SPOCK3: variants seen among roughly 807,000 people sequenced by gnomAD.
The protein encoded by SPOCK3 is testican-3.
A neutral mutation model predicts 56.6 loss-of-function variants in SPOCK3; 30 were observed. The observed-to-expected ratio is 0.53, with a 90% CI of 0.40 to 0.72. The LOEUF (loss-of-function observed/expected upper bound fraction) is 0.72, where lower values mean the gene tolerates loss of function less well. SPOCK3 is among the 30% of genes least tolerant of loss of function. The probability of loss-of-function intolerance (pLI) is 0.00; values close to 1 mark genes in which losing one functional copy is unlikely to be tolerated. For synonymous variants in SPOCK3, 196 were observed against 183.3 expected (o/e 1.07, Z -0.56); for missense variants, 527 against 530.0 (o/e 0.99, Z 0.06).
At chr4:166,813,042 T>A (rs574874960) in intron 6 of SPOCK3, among the ~76,000 whole-genome samples, 2 of 152,114 alleles carry the variant, frequency 1.3e-5, no homozygotes, top group Non-Finnish European at 2.9e-5. Context: ...ACTATAGTTA[T>A]CATATCAGGG....
chr4:166,833,258 A>T (rs1329997973), intron 6 of SPOCK3, among the ~76,000 whole-genome samples: 5 of 152,202 alleles, frequency 3.3e-5, no homozygotes, highest in Admixed American at 2.0e-4. Flanking sequence ...TTGTTTAATG[A>T]TCCAGATATG....
At chr4:167,137,715 G>C (rs894416281) in intron 2 of SPOCK3, among the ~76,000 whole-genome samples, 1 of 151,682 alleles carries the variant, frequency 6.6e-6, no homozygotes, top group Admixed American at 6.6e-5. Flanking sequence ...TACAGAAAAA[G>C]GACAGGAGAT....
At chr4:167,115,164 G>A (rs1026733955) in intron 2 of SPOCK3, among the ~76,000 whole-genome samples, 1 of 152,170 alleles carries the variant, frequency 6.6e-6, no homozygotes, top group Non-Finnish European at 1.5e-5. Context: ...CCTATTCCTT[G>A]CTTTGAGAGA....
chr4:167,062,440 C>A, intron 3 of SPOCK3, 52 bp downstream of exon 3: 1 of 1,347,408 alleles, frequency 7.4e-7, no homozygotes, highest in Non-Finnish European at 1.1e-6. Context: ...TCTAAAAGTA[C>A]AATGATTATG....
chr4:166,984,547 C>T (rs923285454), intron 4 of SPOCK3, among the ~76,000 whole-genome samples: 14 of 151,924 alleles, frequency 9.2e-5, no homozygotes, highest in South Asian at 2.1e-4. Context: ...TTAAAAAATT[C>T]GTGGCATAAG....
At chr4:166,989,925 T>C (rs915350138) in intron 4 of SPOCK3, among the ~76,000 whole-genome samples, 1 of 152,182 alleles carries the variant, frequency 6.6e-6, no homozygotes, top group Non-Finnish European at 1.5e-5. Context: ...TACCATCCCT[T>C]AGATCTCAGA....
intron 2 of SPOCK3, among the ~76,000 whole-genome samples, chr4:167,220,839 G>T (rs555313099): frequency 6.6e-6 from 1 of 152,252 alleles, no homozygotes; most frequent in South Asian, 2.1e-4. Flanking sequence ...AACAGTATGT[G>T]ATTTGAAACT....
At chr4:166,877,127 G>T (rs1470796486) in intron 6 of SPOCK3, among the ~76,000 whole-genome samples, 1 of 152,084 alleles carries the variant, frequency 6.6e-6, no homozygotes, top group Non-Finnish European at 1.5e-5. Flanking sequence ...GATTTAAAGG[G>T]TTTGTGCAAG....
At position 166,742,153 on chromosome 4, in the gene SPOCK3, C is replaced by T. The variant is rs141718856; in HGVS notation, c.932-94G>A. 2,054 of 885,126 alleles carry T rather than the reference C, an allele frequency of 2.3e-3. 11 individuals are homozygous for T. The highest frequency in any genetic ancestry group is 0.016 in the East Asian group (636 of 39,904). The allele number at this position is 885,126 out of a possible 1,614,324, so 54.8% of individuals were successfully genotyped here. ...TCAAACTTCACTTAGTCTTTTTGTG[C>T]CTTTGGAAGACATGTATTACATATT... is the stretch of plus-strand genomic sequence containing the variant. On this transcript the variant is annotated intron_variant, in intron 8 of 10. Transcript: ENST00000357545.
chr4:166,989,673 T>C (rs912888860), intron 4 of SPOCK3, among the ~76,000 whole-genome samples: 6 of 152,184 alleles, frequency 3.9e-5, no homozygotes, highest in Admixed American at 2.0e-4. Flanking sequence ...AGATAATTAC[T>C]AAGATCCCAT....
chr4:166,853,013 T>C (rs1359134093), intron 6 of SPOCK3, among the ~76,000 whole-genome samples: 1 of 152,216 alleles, frequency 6.6e-6, no homozygotes, highest in Non-Finnish European at 1.5e-5. Context: ...AACCTCAGTT[T>C]CTAGGCTGGT....
intron 2 of SPOCK3, among the ~76,000 whole-genome samples, chr4:167,129,430 C>T (rs577366906): frequency 1.8e-4 from 27 of 152,308 alleles, no homozygotes. Context: ...TTTACTGAGG[C>T]AGGCACAGGA....
chr4:167,045,385 T>A (rs1329696995), intron 3 of SPOCK3, among the ~76,000 whole-genome samples: 3 of 152,136 alleles, frequency 2.0e-5, no homozygotes, highest in Non-Finnish European at 4.4e-5. Flanking sequence ...TATTGGTATT[T>A]GAAGTAATTA....
chr4:167,041,508 TTA>T (rs1753231997), intron 3 of SPOCK3, among the ~76,000 whole-genome samples: 1 of 152,160 alleles, frequency 6.6e-6, no homozygotes, highest in Admixed American at 6.5e-5. Flanking sequence ...AAACCCTAAA[TTA>T]TTCCCAGTTT....
intron 6 of SPOCK3, among the ~76,000 whole-genome samples, chr4:166,837,769 C>T (rs1746785689): frequency 6.6e-6 from 1 of 152,120 alleles, no homozygotes; most frequent in African/African-American, 2.4e-5. Flanking sequence ...CATGTCCTTT[C>T]TTCCTTTCTG....
chr4:167,014,095 A>G (rs1263813607), intron 3 of SPOCK3, among the ~76,000 whole-genome samples: 1 of 152,098 alleles, frequency 6.6e-6, no homozygotes, highest in East Asian at 1.9e-4. Flanking sequence ...CCCCTATAAA[A>G]TCTCTTGTAA....
chr4:166,862,651 A>C (rs1423257192), intron 6 of SPOCK3, among the ~76,000 whole-genome samples: 1 of 152,202 alleles, frequency 6.6e-6, no homozygotes, highest in South Asian at 2.1e-4. Context: ...ATGCTTTGTT[A>C]ATACTACACA....
intron 4 of SPOCK3, among the ~76,000 whole-genome samples, chr4:166,962,804 T>A (rs13102367): frequency 0.18 from 26,688 of 151,938 alleles, 2,578 homozygotes; most frequent in African/African-American, 0.25. Flanking sequence ...AAAATCTAAC[T>A]ATGGGAAATA....
At chr4:167,089,464 T>C (rs1758513347) in intron 2 of SPOCK3, among the ~76,000 whole-genome samples, 1 of 152,170 alleles carries the variant, frequency 6.6e-6, no homozygotes. Flanking sequence ...AATTGTACAC[T>C]CTTTATTCTG....
Sources: gnomAD v4.1 joint callset for allele counts (sites outside exome capture counted in the v4.1 genomes callset) on GRCh38, gnomAD v4.1.1 for gene constraint, MANE v1.5 for transcripts, NCBI Gene and HGNC (gene_info 2026-07-23, HGNC 2026-07-21) for gene names.